Variants in MED12L observed in about 807,000 individuals in gnomAD.
The protein encoded by MED12L is mediator of RNA polymerase II transcription subunit 12-like protein.
A neutral mutation model predicts 281.3 loss-of-function variants in MED12L; 60 were observed. The observed-to-expected ratio is 0.21, with a 90% CI of 0.17 to 0.26. MED12L has a LOEUF of 0.26. Ranked by LOEUF, MED12L falls within the 10% of genes least tolerant of loss-of-function variation. The pLI is 1.00. For missense variants in MED12L, 2,146 were observed against 2,680.9 expected, an observed-to-expected ratio of 0.80 and a Z score of 4.41; for synonymous variants, 974 against 987.2, an observed-to-expected ratio of 0.99 and a Z score of 0.25.
At chr3:151,222,875 T>C (rs946848847) in intron 16 of MED12L, among the ~76,000 whole-genome samples, 3 of 152,198 alleles carry the variant, frequency 2.0e-5, no homozygotes, top group African/African-American at 7.2e-5. Flanking sequence ...ATATTCCAAG[T>C]AGGCCTGAAA....
chr3:151,408,849 C>CT (rs1483455147), intron 39 of MED12L, among the ~76,000 whole-genome samples: 1 of 152,220 alleles, frequency 6.6e-6, no homozygotes, highest in Non-Finnish European at 1.5e-5. Context: ...TTATATGCCA[C>CT]CGTGTGTCTG....
At position 151,411,358 on chromosome 3, in the gene MED12L, C is replaced by T; in HGVS notation, c.5991C>T (p.Val1997=). ...QTSQQQAGSV[V]LSPSYNSRAY... ...CGCAGCAGCAGGCTGGCAGTGTGGT[C>T]CTGTCTCCCAGCTATAACTCCAGAG... The change falls in exon 41 of 45, where the codon GTC becomes GTT. Residue 1997 remains valine (V), a synonymous_variant. Coordinates refer to ENST00000687756, the MANE Select transcript of MED12L (RefSeq NM_001393769.1). 6.2e-7 allele frequency: 1 copy of T among 1,614,172 alleles called. No homozygotes were observed. The highest frequency in any genetic ancestry group is 8.5e-7 in the Non-Finnish European group (1 of 1,180,040).
intron 5 of MED12L, among the ~76,000 whole-genome samples, chr3:151,141,166 G>GTTTTTTTTTTTTTTTTTTTTTTT (rs750239134): frequency 7.1e-5 from 7 of 98,114 alleles, no homozygotes; most frequent in African/African-American, 3.2e-4. Flanking sequence ...CGTGCCTGGC[G>GTTTTTTTTTTTTTTTTTTTTTTT]TTTTTTTTTT....
chr3:151,377,529 G>T (rs1313334364), intron 30 of MED12L, among the ~76,000 whole-genome samples: 3 of 152,004 alleles, frequency 2.0e-5, no homozygotes, highest in Non-Finnish European at 4.4e-5. Context: ...GGTAATTTTT[G>T]TGCAGAATTA....
intron 16 of MED12L, among the ~76,000 whole-genome samples, chr3:151,268,147 CATTA>C (rs1224753137): frequency 6.6e-6 from 1 of 152,004 alleles, no homozygotes; most frequent in Non-Finnish European, 1.5e-5. Context: ...CAATACAAAG[CATTA>C]ATAAAACATT....
intron 16 of MED12L, among the ~76,000 whole-genome samples, chr3:151,259,935 G>C (rs1195790697): frequency 6.6e-6 from 1 of 152,154 alleles, no homozygotes; most frequent in Non-Finnish European, 1.5e-5. Flanking sequence ...TTCTAAGTTT[G>C]GAAACCAATC....
chr3:151,313,581 C>T (rs1747833327), intron 16 of MED12L, among the ~76,000 whole-genome samples: 1 of 151,936 alleles, frequency 6.6e-6, no homozygotes, highest in Admixed American at 6.6e-5. Flanking sequence ...TGCGGTGGCT[C>T]ACACCTGTAA....
chr3:151,252,578 A>G (rs1737057418), intron 16 of MED12L, among the ~76,000 whole-genome samples: 1 of 152,128 alleles, frequency 6.6e-6, no homozygotes, highest in Non-Finnish European at 1.5e-5. Context: ...TTTCTCTTTC[A>G]AGTTTTACTT....
chr3:151,198,939 T>C, intron 16 of MED12L: 2 of 1,614,066 alleles, frequency 1.2e-6, no homozygotes, highest in African/African-American at 1.3e-5. Context: ...GGAATCATCA[T>C]ATTTGGCACC....
intron 16 of MED12L, among the ~76,000 whole-genome samples, chr3:151,333,047 T>A (rs1421109380): frequency 1.3e-5 from 2 of 152,182 alleles, no homozygotes; most frequent in Non-Finnish European, 2.9e-5. Flanking sequence ...GCCTCCAGCT[T>A]CATCCATGTT....
At chr3:151,386,967 C>T (rs1049426751) in intron 36 of MED12L, among the ~76,000 whole-genome samples, 2 of 152,182 alleles carry the variant, frequency 1.3e-5, no homozygotes, top group African/African-American at 4.8e-5. Context: ...GCCTCAGCCT[C>T]ACCAAGTGTT....
intron 6 of MED12L, among the ~76,000 whole-genome samples, chr3:151,157,791 A>G (rs543962735): frequency 3.0e-4 from 45 of 152,352 alleles, no homozygotes; most frequent in African/African-American, 1.0e-3. Flanking sequence ...GAACACTGGT[A>G]ATACATAACA....
chr3:151,425,900 G>A (rs1394182757), intron 43 of MED12L, among the ~76,000 whole-genome samples: 1 of 152,174 alleles, frequency 6.6e-6, no homozygotes, highest in Admixed American at 6.5e-5. Context: ...TTATGGGAAG[G>A]GTAGAGTGGA....
At position 151,173,464 on chromosome 3, in the gene MED12L, C is replaced by T. The variant is rs183179055; in HGVS notation, c.1494+7482C>T. 7.7e-3 allele frequency among the ~76,000 whole-genome samples: 1,173 copies of T among 152,242 alleles called. 25 individuals are homozygous for T. The highest frequency in any genetic ancestry group is 0.047 in the Admixed American group (717 of 15,286). ...TAATTTTGGAAAAAAGAGGAAGACA[C>T]CTTTGTAATTGCCATGAACAATTTT... is the stretch of plus-strand genomic sequence containing the variant. On this transcript the variant is annotated intron_variant, in intron 11 of 44. Coordinates refer to ENST00000687756, the MANE Select transcript of MED12L (RefSeq NM_001393769.1).
At chr3:151,175,435 C>T (rs1395207024) in intron 11 of MED12L, among the ~76,000 whole-genome samples, 1 of 152,172 alleles carries the variant, frequency 6.6e-6, no homozygotes, top group African/African-American at 2.4e-5. Flanking sequence ...AACGTTTCAA[C>T]TCTTTTTAGT....
chr3:151,089,756 C>G (rs1277109508), intron 2 of MED12L, among the ~76,000 whole-genome samples: 1 of 152,100 alleles, frequency 6.6e-6, no homozygotes, highest in African/African-American at 2.4e-5. Flanking sequence ...TGCTGTGCAT[C>G]AGCATCCTGT....
intron 20 of MED12L, 147 bp downstream of exon 20, chr3:151,357,523 G>A (rs913724208): frequency 1.7e-5 from 11 of 644,530 alleles, no homozygotes; most frequent in Middle Eastern, 4.5e-4. Context: ...AGAAAACATC[G>A]ATCAAAAAGG....
intron 43 of MED12L, among the ~76,000 whole-genome samples, chr3:151,427,365 T>A (rs1718993031): frequency 6.6e-6 from 1 of 152,152 alleles, no homozygotes; most frequent in East Asian, 1.9e-4. Context: ...TCTGACTATG[T>A]ACTACCTCTT....
At chr3:151,327,896 C>T in intron 16 of MED12L, 7 of 856,438 alleles carry the variant, frequency 8.2e-6, no homozygotes, top group Non-Finnish European at 9.0e-6. Flanking sequence ...TGTAAGAGAG[C>T]ATTTGTTCCA....
Sources: allele counts gnomAD v4.1 joint callset (sites outside exome capture counted in the v4.1 genomes callset), GRCh38; gene constraint gnomAD v4.1.1; transcripts MANE v1.5; gene names NCBI Gene and HGNC (gene_info 2026-07-23, HGNC 2026-07-21).